TMEM132C: variants seen among roughly 807,000 people sequenced by gnomAD.
TMEM132C encodes transmembrane protein 132C.
Under a neutral mutation model 61.4 loss-of-function variants are expected in TMEM132C, and 29 were observed. That is an observed-to-expected ratio of 0.47 (90% CI 0.35 to 0.64). TMEM132C has a LOEUF of 0.64. Ranked by LOEUF, TMEM132C falls within the 30% of genes least tolerant of loss-of-function variation. The pLI, the probability that TMEM132C is intolerant of heterozygous loss-of-function variation, is 0.00. For synonymous variants in TMEM132C, 656 were observed against 633.1 expected (o/e 1.04, Z -0.54); for missense variants, 1,408 against 1,476.9 (o/e 0.95, Z 0.76).
intron 1 of TMEM132C, among the ~76,000 whole-genome samples, chr12:128,356,888 CT>C (rs1369841093): frequency 1.3e-5 from 2 of 152,130 alleles, no homozygotes; most frequent in African/African-American, 4.8e-5. Context: ...TTATTTCTAC[CT>C]TAAATAGAGA....
intron 1 of TMEM132C, among the ~76,000 whole-genome samples, chr12:128,322,582 C>A (rs549008831): frequency 6.6e-6 from 1 of 152,230 alleles, no homozygotes; most frequent in African/African-American, 2.4e-5. Flanking sequence ...GGGTCTGAGT[C>A]AATTTCATCT....
At position 128,347,397 on chromosome 12, in the gene TMEM132C, G is replaced by GTCTCTCTCTC. The variant is rs55729184; in HGVS notation, c.86-67302_86-67293dup. 4.4e-3 allele frequency among the ~76,000 whole-genome samples: 593 copies of GTCTCTCTCTC among 135,486 alleles called. 11 individuals are homozygous for GTCTCTCTCTC. The highest frequency in any genetic ancestry group is 0.016 in the African/African-American group (527 of 32,872). The allele number at this position is 135,486 out of a possible 152,430, so 88.9% of individuals were successfully genotyped here. ...TGCTGCCATAAGCATGCATATGTAT[G>GTCTCTCTCTC]TCTCTCTCTCTCTCTCTCTCTCTCT... On this transcript the variant is annotated intron_variant, in intron 1 of 8. Coordinates refer to ENST00000435159, the MANE Select transcript of TMEM132C (RefSeq NM_001136103.3).
chr12:128,683,718 G>C (rs545657108), intron 5 of TMEM132C, among the ~76,000 whole-genome samples: 2 of 152,308 alleles, frequency 1.3e-5, no homozygotes, highest in African/African-American at 4.8e-5. Flanking sequence ...TGTAATCCTA[G>C]CACTTTGGGG....
intron 1 of TMEM132C, among the ~76,000 whole-genome samples, chr12:128,268,436 C>T (rs900555390): frequency 6.6e-6 from 1 of 152,194 alleles, no homozygotes; most frequent in African/African-American, 2.4e-5. Context: ...GGCCTAGGCT[C>T]TGCCAGGGCA....
At chr12:128,689,350 C>T (rs1954701951) in intron 5 of TMEM132C, among the ~76,000 whole-genome samples, 1 of 152,130 alleles carries the variant, frequency 6.6e-6, no homozygotes, top group African/African-American at 2.4e-5. Context: ...CTATTATTAA[C>T]TATATTTATC....
chr12:128,293,854 A>T (rs1871322475), intron 1 of TMEM132C, among the ~76,000 whole-genome samples: 1 of 152,186 alleles, frequency 6.6e-6, no homozygotes, highest in African/African-American at 2.4e-5. Context: ...CATGCTTTTC[A>T]AAAGCACAAT....
chr12:128,432,380 A>G (rs530135359), intron 2 of TMEM132C, among the ~76,000 whole-genome samples: 7 of 152,320 alleles, frequency 4.6e-5, no homozygotes, highest in Admixed American at 4.6e-4. Flanking sequence ...TAAATGGAAA[A>G]CCTTCTGGAA....
intron 4 of TMEM132C, among the ~76,000 whole-genome samples, chr12:128,625,568 C>T (rs561654438): frequency 2.2e-4 from 33 of 152,094 alleles, no homozygotes; most frequent in Non-Finnish European, 2.1e-4. Flanking sequence ...TGGTGGCAGG[C>T]AAAGAGAATT....
At chr12:128,655,241 G>C (rs548758843) in intron 4 of TMEM132C, among the ~76,000 whole-genome samples, 1 of 152,274 alleles carries the variant, frequency 6.6e-6, no homozygotes, top group South Asian at 2.1e-4. Flanking sequence ...CCTGATGAGA[G>C]GAGTTGTTAT....
chr12:128,642,179 T>G, intron 4 of TMEM132C, among the ~76,000 whole-genome samples: 1 of 152,100 alleles, frequency 6.6e-6, no homozygotes, highest in East Asian at 1.9e-4. Flanking sequence ...GTCACCATGC[T>G]GGAGTGCAGT....
intron 2 of TMEM132C, among the ~76,000 whole-genome samples, chr12:128,506,321 A>T (rs1375754745): frequency 2.0e-5 from 3 of 152,192 alleles, no homozygotes. Flanking sequence ...AAACCCTATG[A>T]ACCAGAAAAA....
At chr12:128,655,559 G>A (rs559132247) in intron 4 of TMEM132C, among the ~76,000 whole-genome samples, 17 of 151,800 alleles carry the variant, frequency 1.1e-4, no homozygotes, top group Admixed American at 1.1e-3. Context: ...AGTATGCCTT[G>A]AATTGGGAAA....
chr12:128,368,364 C>T (rs990807067), intron 1 of TMEM132C, among the ~76,000 whole-genome samples: 5 of 152,208 alleles, frequency 3.3e-5, no homozygotes, highest in African/African-American at 9.6e-5. Flanking sequence ...AACAAACATG[C>T]TTGAATCCAG....
intron 2 of TMEM132C, among the ~76,000 whole-genome samples, chr12:128,475,951 C>T (rs1420875931): frequency 6.6e-6 from 1 of 152,190 alleles, no homozygotes; most frequent in Non-Finnish European, 1.5e-5. Context: ...CATCCGCTTC[C>T]ACCAGTGGCT....
chr12:128,580,718 C>T (rs1565980513), intron 3 of TMEM132C, among the ~76,000 whole-genome samples: 5 of 152,236 alleles, frequency 3.3e-5, no homozygotes, highest in South Asian at 4.1e-4. Context: ...TTTCTTATAG[C>T]GACAGTCCCC....
rs184992572 is a variant in TMEM132C at position 128,606,432 on chromosome 12, T to A, written c.1122-9720T>A. Among the ~76,000 whole-genome samples the A allele has an allele frequency of 6.4e-4, 98 of 152,330 alleles. 1 individual carries two copies. The highest frequency in any genetic ancestry group is 1.1e-3 in the Non-Finnish European group (76 of 68,032). ...TAAGGGCTTCGTTTCATCCATAGTT[T>A]TATTCCCCCTGCCTGTATTTCCCTC... On this transcript the variant is annotated intron_variant, in intron 3 of 8. Transcript: ENST00000435159.
chr12:128,677,638 TGTGCCCCCTGG>T (rs1463201922), intron 5 of TMEM132C, among the ~76,000 whole-genome samples: 6 of 152,180 alleles, frequency 3.9e-5, no homozygotes, highest in African/African-American at 9.6e-5. Context: ...TACCCCACCC[TGTGCCCCCTGG>T]GTGCCCCCAC....
chr12:128,366,309 A>T (rs1873869149), intron 1 of TMEM132C, among the ~76,000 whole-genome samples: 1 of 152,206 alleles, frequency 6.6e-6, no homozygotes, highest in Non-Finnish European at 1.5e-5. Context: ...AGACTGTTGG[A>T]TTCAGACTGT....
intron 2 of TMEM132C, among the ~76,000 whole-genome samples, chr12:128,532,496 GGGCGTGGTGGCA>G (rs1449916316): frequency 6.6e-6 from 1 of 151,546 alleles, no homozygotes; most frequent in Non-Finnish European, 1.5e-5. Context: ...AAAATTAGCC[GGGCGTGGTGGCA>G]GGCACCTGTA....
Sources: allele counts gnomAD v4.1 joint callset (sites outside exome capture counted in the v4.1 genomes callset), GRCh38; gene constraint gnomAD v4.1.1; transcripts MANE v1.5; gene names NCBI Gene and HGNC (gene_info 2026-07-23, HGNC 2026-07-21).